The following CPM variants were observed in gnomAD, a reference collection of about 807,000 sequenced individuals.
CPM encodes the protein carboxypeptidase M, also known as renal carboxypeptidase.
A neutral mutation model predicts 46.4 loss-of-function variants in CPM; 35 were observed. The observed-to-expected ratio is 0.75, with a 90% confidence interval of 0.58 to 1.00. The LOEUF is 1.00. CPM is among the 50% of genes least tolerant of loss of function. The pLI is 0.00. For missense variants in CPM, 422 were observed against 530.4 expected, an observed-to-expected ratio of 0.80 and a Z score of 2.01; for synonymous variants, 195 against 195.3, an observed-to-expected ratio of 1.00 and a Z score of 0.01.
chr12:68,844,111 G>C (rs1382127879), intron 5 of CPM: 1 of 207,420 alleles, frequency 4.8e-6, no homozygotes, highest in African/African-American at 2.3e-5. Context: ...ACATGTTTAT[G>C]GGTTATTAAA....
chr12:68,895,392 C>G (rs1377439365), intron 2 of CPM, among the ~76,000 whole-genome samples: 1 of 152,168 alleles, frequency 6.6e-6, no homozygotes, highest in Admixed American at 6.5e-5. Flanking sequence ...AGCTTCGGTC[C>G]TGGAGGGAAG....
chr12:68,911,961 T>C (rs1440039765), intron 2 of CPM: 3 of 152,184 alleles, frequency 2.0e-5, no homozygotes, highest in African/African-American at 7.2e-5. Flanking sequence ...ATAGGCTTTC[T>C]GGTTTTTGCT....
At position 68,854,101 on chromosome 12, in the gene CPM, T is replaced by C. The variant is rs1884854852; in HGVS notation, c.*2336A>G. The C allele has an allele frequency of 1.3e-5, 2 of 152,134 alleles. No individual in the cohort carries two copies. Among genetic ancestry groups the C allele is most frequent in the Admixed American group, 6.5e-5 (1 of 15,274 alleles). The allele number at this position is 152,134 out of a possible 1,614,324, so 9.4% of individuals were successfully genotyped here. On this transcript the variant is annotated 3_prime_UTR_variant, in exon 9 of 9. Transcript: ENST00000551568. ...CTTTACTACCAATCTTAGGATCAAT[T>C]CAAGGTTCAGTAAAAGGAATGTATC... is the stretch of plus-strand genomic sequence containing the variant.
At chr12:68,931,801 C>T (rs983952874) in intron 2 of CPM, among the ~76,000 whole-genome samples, 6 of 141,128 alleles carry the variant, frequency 4.3e-5, no homozygotes, top group Non-Finnish European at 7.7e-5. Flanking sequence ...GATGAAATAA[C>T]GATATCTGAT....
At chr12:68,933,399 G>A (rs181543780), upstream of CPM, among the ~76,000 whole-genome samples, 1,158 of 152,244 alleles carry the variant, frequency 7.6e-3, 20 homozygotes, top group African/African-American at 0.026. Context: ...AGGGCTGCGG[G>A]CATGGAGTCG....
intron 1 of CPM, among the ~76,000 whole-genome samples, chr12:68,954,391 C>T (rs912482828): frequency 6.6e-6 from 1 of 152,180 alleles, no homozygotes; most frequent in Non-Finnish European, 1.5e-5. Context: ...GCGGCAGCCT[C>T]TCATCAGTAC....
intron 2 of CPM, among the ~76,000 whole-genome samples, chr12:68,896,347 C>T (rs1356658198): frequency 6.6e-6 from 1 of 152,166 alleles, no homozygotes; most frequent in South Asian, 2.1e-4. Flanking sequence ...AACCCCTCTC[C>T]TATCATTTAT....
At chr12:68,962,003 A>T (rs566401847) in intron 1 of CPM, among the ~76,000 whole-genome samples, 2 of 152,088 alleles carry the variant, frequency 1.3e-5, no homozygotes, top group Non-Finnish European at 2.9e-5. Flanking sequence ...GGTCGAGACC[A>T]TCCTGGCTAA....
At chr12:68,868,145 C>T in intron 6 of CPM, among the ~76,000 whole-genome samples, 1 of 152,218 alleles carries the variant, frequency 6.6e-6, no homozygotes, top group Admixed American at 6.5e-5. Flanking sequence ...ACATGAAGGA[C>T]AGCTCTGCCA....
chr12:68,859,144 GAAC>G, intron 7 of CPM, 73 bp from the exon 8 acceptor site: 2 of 827,364 alleles, frequency 2.4e-6, no homozygotes, highest in Non-Finnish European at 3.3e-6. Flanking sequence ...AAATATTTAA[GAAC>G]AATATATGCA....
At chr12:68,873,283 T>C (rs1885791893) in intron 3 of CPM, among the ~76,000 whole-genome samples, 1 of 152,236 alleles carries the variant, frequency 6.6e-6, no homozygotes, top group African/African-American at 2.4e-5. Context: ...AAGCGGTCCT[T>C]GGATGACCAC....
chr12:68,918,449 T>A (rs922242743), intron 2 of CPM, among the ~76,000 whole-genome samples: 4 of 152,144 alleles, frequency 2.6e-5, no homozygotes, highest in Admixed American at 1.3e-4. Context: ...CTAAAGAAAA[T>A]GTCTGAATCA....
Position 68,858,762 on chromosome 12 carries a change from T to A in CPM, c.1089+161A>T, listed in dbSNP as rs567972676. Among the ~76,000 whole-genome samples the A allele has an allele frequency of 2.1e-4, 32 of 151,304 alleles. 1 individual carries two copies. Among genetic ancestry groups the A allele is most frequent in the African/African-American group, 7.8e-4 (32 of 41,202 alleles). On this transcript the variant is annotated intron_variant, in intron 8 of 8. Coordinates refer to ENST00000551568, the MANE Select transcript of CPM (RefSeq NM_198320.5). Reference sequence around the variant, plus strand: ...TTTTTTTTTTCATATAATTTCCACCTCTTCCACCTCCTGCCAATTGCAAGT... The same window carrying A: ...TTTTTTTTTTCATATAATTTCCACCACTTCCACCTCCTGCCAATTGCAAGT...
At chr12:68,898,032 T>TA (rs1377049771) in intron 2 of CPM, among the ~76,000 whole-genome samples, 1 of 151,572 alleles carries the variant, frequency 6.6e-6, no homozygotes, top group African/African-American at 2.4e-5. Flanking sequence ...TTTTTTTTTT[T>TA]TTGTAGAGAT....
At chr12:68,859,475 G>A (rs1020043726) in intron 7 of CPM, among the ~76,000 whole-genome samples, 1 of 152,166 alleles carries the variant, frequency 6.6e-6, no homozygotes, top group South Asian at 2.1e-4. Flanking sequence ...ATTTACGTGT[G>A]CGAGGGACTC....
In CPM at chr12:68,914,053, T is replaced by G. The variant is rs1432141766; in HGVS notation, c.160+18625A>C. ...TCCTCACTATTCCATTCCTCAGGTA[T>G]AAATGCTATAAACAGGCTTGGAATC... On this transcript the variant is annotated intron_variant, in intron 2 of 8. Coordinates refer to ENST00000551568, the MANE Select transcript of CPM (RefSeq NM_198320.5). 4.5e-6 allele frequency: 3 copies of G among 672,792 alleles called. No homozygotes were observed. The East Asian group carries it at 8.3e-5, about 19-fold the overall frequency. The allele number at this position is 672,792 out of a possible 1,614,324, so 41.7% of individuals were successfully genotyped here.
chr12:68,920,392 A>G (rs113653668), intron 2 of CPM, among the ~76,000 whole-genome samples: 4 of 152,324 alleles, frequency 2.6e-5, no homozygotes, highest in African/African-American at 7.2e-5. Flanking sequence ...CTATGTTTTC[A>G]TAAGAGTGAC....
At chr12:68,957,974 G>A (rs1340298627) in intron 1 of CPM, among the ~76,000 whole-genome samples, 1 of 152,052 alleles carries the variant, frequency 6.6e-6, no homozygotes, top group African/African-American at 2.4e-5. Flanking sequence ...AGTTTGCTGA[G>A]AATGATAGTT....
chr12:68,913,249 C>T (rs1017633902), intron 2 of CPM, among the ~76,000 whole-genome samples: 1 of 152,206 alleles, frequency 6.6e-6, no homozygotes, highest in Non-Finnish European at 1.5e-5. Flanking sequence ...CCTACCCTCT[C>T]ATTCACCTTG....
Sources: allele counts gnomAD v4.1 joint callset (sites outside exome capture counted in the v4.1 genomes callset), GRCh38; gene constraint gnomAD v4.1.1; transcripts MANE v1.5; gene names NCBI Gene and HGNC (gene_info 2026-07-23, HGNC 2026-07-21).